Variants in CNTNAP5 observed in about 807,000 individuals in gnomAD.
CNTNAP5 encodes contactin-associated protein-like 5.
CNTNAP5 carries 72 observed loss-of-function variants against 150.2 expected under a neutral mutation model. The ratio of observed to expected loss-of-function variants is 0.48; its 90% CI spans 0.40 to 0.58. CNTNAP5 has a LOEUF of 0.58. CNTNAP5 is among the 20% of genes least tolerant of loss of function. The probability of loss-of-function intolerance (pLI) is 0.00; values close to 1 mark genes in which losing one functional copy is unlikely to be tolerated. For synonymous variants in CNTNAP5, 672 were observed against 619.8 expected (o/e 1.08, Z -1.25); for missense variants, 1,636 against 1,626.2 (o/e 1.01, Z -0.10).
At chr2:124,453,288 G>C (rs1467864067) in intron 6 of CNTNAP5, among the ~76,000 whole-genome samples, 1 of 152,156 alleles carries the variant, frequency 6.6e-6, no homozygotes, top group Non-Finnish European at 1.5e-5. Flanking sequence ...GAACTTCGGA[G>C]CTCAGAGACA....
At chr2:124,379,361 C>G (rs746562850) in intron 3 of CNTNAP5, among the ~76,000 whole-genome samples, 1 of 152,120 alleles carries the variant, frequency 6.6e-6, no homozygotes, top group Non-Finnish European at 1.5e-5. Flanking sequence ...CCCCCAGCAG[C>G]TGCTGACCTT....
At chr2:124,054,683 C>T (rs772996871) in intron 1 of CNTNAP5, among the ~76,000 whole-genome samples, 8 of 152,148 alleles carry the variant, frequency 5.3e-5, no homozygotes, top group South Asian at 2.1e-4. Flanking sequence ...CTTGGTAACC[C>T]ATGATTACTC....
Position 124,246,011 on chromosome 2 carries a change from A to G in CNTNAP5, c.381+3618A>G, listed in dbSNP as rs1687012931. 2.0e-5 allele frequency among the ~76,000 whole-genome samples: 3 copies of G among 152,166 alleles called. No individual in the cohort carries two copies. The South Asian group carries it at 6.2e-4, about 32-fold the overall frequency. ...CCTCCCACCATGACCTCAGGTTTACAGGCTTGAGCCACCGCACCTGGCCAA... is the reference window on the plus strand; with the variant it reads ...CCTCCCACCATGACCTCAGGTTTACGGGCTTGAGCCACCGCACCTGGCCAA... On this transcript the variant is annotated intron_variant, in intron 3 of 23. Coordinates refer to ENST00000682447, the MANE Select transcript of CNTNAP5 (RefSeq NM_001367498.1).
intron 13 of CNTNAP5, among the ~76,000 whole-genome samples, chr2:124,671,566 C>A (rs955332867): frequency 1.3e-5 from 2 of 152,086 alleles, no homozygotes; most frequent in South Asian, 2.1e-4. Context: ...TTTCTGAATT[C>A]TTTGCTTATC....
intron 1 of CNTNAP5, among the ~76,000 whole-genome samples, chr2:124,156,287 A>G (rs977844088): frequency 2.6e-5 from 4 of 152,172 alleles, no homozygotes; most frequent in Non-Finnish European, 4.4e-5. Context: ...AGGGCAGTCA[A>G]TGTTCCTCCA....
At chr2:124,330,797 T>A (rs768103591) in intron 3 of CNTNAP5, among the ~76,000 whole-genome samples, 4 of 152,228 alleles carry the variant, frequency 2.6e-5, no homozygotes, top group Non-Finnish European at 5.9e-5. Flanking sequence ...CAATTATGTT[T>A]ACAAAAGTAT....
intron 19 of CNTNAP5, among the ~76,000 whole-genome samples, chr2:124,851,648 G>A (rs1056834451): frequency 1.3e-5 from 2 of 152,154 alleles, no homozygotes; most frequent in Non-Finnish European, 2.9e-5. Context: ...AAATGTTTCA[G>A]TTGTCTTCGA....
chr2:124,163,790 A>G (rs568014950), intron 1 of CNTNAP5, among the ~76,000 whole-genome samples: 14 of 152,032 alleles, frequency 9.2e-5, no homozygotes, highest in South Asian at 8.3e-4. Context: ...ATAAAATAAC[A>G]TTTACTCTTC....
chr2:124,894,750 G>C (rs1678268651), intron 21 of CNTNAP5, among the ~76,000 whole-genome samples: 1 of 150,982 alleles, frequency 6.6e-6, no homozygotes, highest in African/African-American at 2.5e-5. Flanking sequence ...GACGAGTCTT[G>C]ACATTTTGCC....
At chr2:124,051,953 A>G (rs531779343) in intron 1 of CNTNAP5, among the ~76,000 whole-genome samples, 1 of 152,332 alleles carries the variant, frequency 6.6e-6, no homozygotes, top group South Asian at 2.1e-4. Context: ...AGCACAGACT[A>G]ATATTTTTGT....
At chr2:124,368,542 T>C (rs1377989947) in intron 3 of CNTNAP5, among the ~76,000 whole-genome samples, 2 of 152,096 alleles carry the variant, frequency 1.3e-5, no homozygotes, top group Non-Finnish European at 2.9e-5. Flanking sequence ...TAGAAGTTAG[T>C]CTATAATAAT....
At chr2:124,250,854 A>C (rs537544883) in intron 3 of CNTNAP5, among the ~76,000 whole-genome samples, 1 of 151,754 alleles carries the variant, frequency 6.6e-6, no homozygotes, top group African/African-American at 2.4e-5. Context: ...TTATTATTGC[A>C]ATGGTAACAA....
At chr2:124,866,260 AAAACAAAC>A (rs200542925) in intron 20 of CNTNAP5, among the ~76,000 whole-genome samples, 1 of 152,164 alleles carries the variant, frequency 6.6e-6, no homozygotes, top group Non-Finnish European at 1.5e-5. Context: ...TCCATCTCAA[AAAACAAAC>A]AAACAAACAA....
chr2:124,794,685 C>T (rs369484256), intron 18 of CNTNAP5, among the ~76,000 whole-genome samples: 8 of 152,130 alleles, frequency 5.3e-5, no homozygotes, highest in Admixed American at 3.9e-4. Flanking sequence ...TGCTGTAGGA[C>T]AGGGAAGAGT....
intron 1 of CNTNAP5, among the ~76,000 whole-genome samples, chr2:124,085,687 T>G (rs1361406462): frequency 6.6e-6 from 1 of 152,226 alleles, no homozygotes; most frequent in Admixed American, 6.5e-5. Flanking sequence ...GTAACAAATT[T>G]TAATAGGTTG....
At chr2:124,123,362 G>T (rs553934827) in intron 1 of CNTNAP5, among the ~76,000 whole-genome samples, 1 of 152,242 alleles carries the variant, frequency 6.6e-6, no homozygotes, top group Non-Finnish European at 1.5e-5. Context: ...GGGGAGGGGC[G>T]TCCACCATTG....
intron 3 of CNTNAP5, among the ~76,000 whole-genome samples, chr2:124,390,244 T>C (rs753585714): frequency 1.3e-5 from 2 of 152,224 alleles, no homozygotes; most frequent in Non-Finnish European, 2.9e-5. Flanking sequence ...TAAATTTTTC[T>C]TTGTGATTTT....
chr2:124,311,330 G>A (rs1442761445), intron 3 of CNTNAP5, among the ~76,000 whole-genome samples: 2 of 152,136 alleles, frequency 1.3e-5, no homozygotes, highest in Non-Finnish European at 2.9e-5. Context: ...TTCGAGTGAG[G>A]CCTCTCTTTC....
intron 7 of CNTNAP5, among the ~76,000 whole-genome samples, chr2:124,498,391 G>A (rs543485194): frequency 6.6e-6 from 1 of 152,160 alleles, no homozygotes; most frequent in African/African-American, 2.4e-5. Flanking sequence ...TTTCTGGGGA[G>A]GGGGAGGGAA....
Sources: gnomAD v4.1 joint callset for allele counts (sites outside exome capture counted in the v4.1 genomes callset) on GRCh38, gnomAD v4.1.1 for gene constraint, MANE v1.5 for transcripts, NCBI Gene and HGNC (gene_info 2026-07-23, HGNC 2026-07-21) for gene names.